Variants in SPG11 observed in about 807,000 individuals in gnomAD.
SPG11 encodes spatacsin.
A neutral mutation model predicts 274.0 loss-of-function variants in SPG11; 222 were observed. The ratio of observed to expected loss-of-function variants is 0.81; its 90% confidence interval spans 0.73 to 0.91. SPG11 has a LOEUF of 0.91. SPG11 is among the 40% of genes least tolerant of loss of function. SPG11 has a pLI of 0.00. For missense variants in SPG11, 3,114 were observed against 2,872.7 expected, an observed-to-expected ratio of 1.08 and a Z score of -1.92; for synonymous variants, 1,144 against 1,039.7, an observed-to-expected ratio of 1.10 and a Z score of -1.93.
chr15:44,570,433 AC>A, intron 34 of SPG11, 91 bp downstream of exon 34: 2 of 1,540,964 alleles, frequency 1.3e-6, no homozygotes, highest in South Asian at 2.4e-5. Flanking sequence ...AGAACCCCCT[AC>A]GACTACATCA....
At chr15:44,659,418 C>G in intron 2 of SPG11, 115 bp from the exon 3 acceptor site, 1 of 915,942 alleles carries the variant, frequency 1.1e-6, no homozygotes, top group South Asian at 1.5e-5. Flanking sequence ...TGGACTTAGT[C>G]TAACTTTACG....
chr15:44,622,233 G>A lies in SPG11; in HGVS notation c.2431C>T (p.Gln811Ter), dbSNP rs756134516. The change falls in exon 13 of 40, where the codon CAG becomes TAG. Residue 811 changes from glutamine to a stop codon, truncating the protein, a stop_gained. Transcript: ENST00000261866. LOFTEE classifies it high-confidence loss of function. The stretch of plus-strand genomic sequence containing the variant: ...TAATGAGACTACCTGGGAAATGACT[G>A]GATTTGCATATTTTCTTGGAAATGT... ...LGHFQENMQI[Q>*]SFPRYWIKEQ... 2.4e-5 allele frequency: 38 copies of A among 1,612,186 alleles called. No individual in the cohort carries two copies. Among genetic ancestry groups the A allele is most frequent in the Non-Finnish European group, 2.8e-5 (33 of 1,178,662 alleles).
intron 7 of SPG11, among the ~76,000 whole-genome samples, chr15:44,634,415 C>T (rs150520415): frequency 0.01 from 1,561 of 151,652 alleles, 33 homozygotes; most frequent in African/African-American, 0.036. Context: ...ACTGGGACTA[C>T]AGGCATGCAC....
chr15:44,662,876 A>G (rs2085157862), intron 1 of SPG11, among the ~76,000 whole-genome samples: 1 of 152,210 alleles, frequency 6.6e-6, no homozygotes, highest in Admixed American at 6.5e-5. Flanking sequence ...CAAGCACACA[A>G]TATTTGCTGA....
At chr15:44,636,217 G>A (rs928700817) in intron 7 of SPG11, among the ~76,000 whole-genome samples, 7 of 152,006 alleles carry the variant, frequency 4.6e-5, no homozygotes, top group African/African-American at 1.5e-4. Context: ...GACAAACCTA[G>A]GGTCCATGTG....
intron 7 of SPG11, among the ~76,000 whole-genome samples, chr15:44,647,130 C>T (rs2084632932): frequency 1.3e-5 from 2 of 152,142 alleles, no homozygotes; most frequent in African/African-American, 4.8e-5. Context: ...AGACATTTCT[C>T]CAAAGACGAC....
At chr15:44,601,160 C>G (rs1010923133) in intron 20 of SPG11, among the ~76,000 whole-genome samples, 3 of 150,960 alleles carry the variant, frequency 2.0e-5, no homozygotes, top group Non-Finnish European at 4.4e-5. Flanking sequence ...TTCAAAAAAA[C>G]AAAAAAAAGT....
At chr15:44,601,080 A>T (rs1482559777) in intron 20 of SPG11, among the ~76,000 whole-genome samples, 2 of 152,098 alleles carry the variant, frequency 1.3e-5, no homozygotes, top group African/African-American at 2.4e-5. Flanking sequence ...TGAACCTGGG[A>T]GGCAGAGGTT....
Position 44,657,128 on chromosome 15 carries a change from G to A in SPG11, c.836C>T (p.Ser279Phe), listed in dbSNP as rs1368296478. 1.2e-6 allele frequency: 2 copies of A among 1,614,044 alleles called. No homozygotes were observed. The highest frequency in any genetic ancestry group is 2.7e-5 in the African/African-American group (2 of 74,908). ...DVAVIVSSSN[S>F]AVALNLNLYF... ...CAAATTTAAGTTAAGAGCAACTGCG[G>A]AGTTGGAGGAGCTGACAATCACTGC... Residue 279 changes from serine (S) to phenylalanine (F), a missense_variant, in exon 4 of 40, where the codon TCC becomes TTC. Transcript: ENST00000261866.
chr15:44,618,493 G>A (rs1241664696), intron 15 of SPG11, among the ~76,000 whole-genome samples: 1 of 137,884 alleles, frequency 7.3e-6, no homozygotes, highest in Non-Finnish European at 1.6e-5. Flanking sequence ...CTCCATCCTG[G>A]GCGACAGAGT....
At position 44,649,001 on chromosome 15, in the gene SPG11, G is replaced by A. The variant is rs138430209; in HGVS notation, c.1467C>T (p.Leu489=). ...GAGTCAAACCAAACAAAATCAGAGA[G>A]AGTCCATTCTCTATAGGAAAAATAA... ...QLCFVLTENG[L]SLILFGLTQE... The change falls in exon 7 of 40, where the codon CTC becomes CTT. Residue 489 remains leucine, a synonymous_variant. Coordinates refer to ENST00000261866, the MANE Select transcript of SPG11 (RefSeq NM_025137.4). 1 of 1,612,830 alleles carries A rather than the reference G, an allele frequency of 6.2e-7. No individual in the cohort carries two copies. The highest frequency in any genetic ancestry group is 1.3e-5 in the African/African-American group (1 of 74,882).
chr15:44,657,361 T>G, intron 3 of SPG11, 65 bp from the exon 4 acceptor site: 1 of 1,482,114 alleles, frequency 6.7e-7, no homozygotes, highest in African/African-American at 1.4e-5. Context: ...AAAGCACAGG[T>G]TGGGAAAGAG....
chr15:44,654,767 C>T (rs896283702), intron 4 of SPG11, among the ~76,000 whole-genome samples: 1 of 151,686 alleles, frequency 6.6e-6, no homozygotes, highest in African/African-American at 2.4e-5. Context: ...ACCCAGGAGG[C>T]GGAGGGTGCA....
In SPG11 at chr15:44,615,391, G is replaced by T; in HGVS notation, c.3010C>A (p.Leu1004Ile). 4 of 1,613,982 alleles carry T rather than the reference G, an allele frequency of 2.5e-6. No homozygotes were observed. Among genetic ancestry groups the T allele is most frequent in the Non-Finnish European group, 3.4e-6 (4 of 1,180,004 alleles). ...TAACAGTCAAGGTAGACATAAAGAA[G>T]ATGCTGCAGACTGTGCTCCAAACAA... is the stretch of plus-strand genomic sequence containing the variant. ...LYCLEHSLQHLLYVYLDCYKL... is the reference protein window; with the variant it reads ...LYCLEHSLQHILYVYLDCYKL... Residue 1004 changes from leucine to isoleucine, a missense_variant, in exon 16 of 40, where the codon CTT becomes ATT. Transcript: ENST00000261866.
At chr15:44,592,675 C>A (rs1324124413) in intron 26 of SPG11, among the ~76,000 whole-genome samples, 1 of 151,920 alleles carries the variant, frequency 6.6e-6, no homozygotes, top group African/African-American at 2.4e-5. Flanking sequence ...AAAAAAGTAG[C>A]CAGGCATGGT....
intron 14 of SPG11, chr15:44,621,488 G>GA (rs1319345937): frequency 7.1e-6 from 3 of 423,312 alleles, no homozygotes; most frequent in African/African-American, 2.0e-5. Context: ...AAGACTATTT[G>GA]AAAAAACAGA....
At chr15:44,642,676 C>T (rs1377653397) in intron 7 of SPG11, among the ~76,000 whole-genome samples, 3 of 140,090 alleles carry the variant, frequency 2.1e-5, no homozygotes, top group African/African-American at 5.3e-5. Flanking sequence ...ACCTGGGAAA[C>T]AAAGCAAGAT....
At chr15:44,572,290 T>G (rs2082439890) in intron 33 of SPG11, among the ~76,000 whole-genome samples, 1 of 152,210 alleles carries the variant, frequency 6.6e-6, no homozygotes, top group Admixed American at 6.5e-5. Flanking sequence ...TATAATGAGT[T>G]AGACATTATG....
chr15:44,648,107 T>C (rs1284934881), intron 7 of SPG11, among the ~76,000 whole-genome samples: 1 of 152,228 alleles, frequency 6.6e-6, no homozygotes, highest in Non-Finnish European at 1.5e-5. Flanking sequence ...CAACCCAATC[T>C]GTCTCATATG....
Sources: allele counts gnomAD v4.1 joint callset (sites outside exome capture counted in the v4.1 genomes callset), GRCh38; gene constraint gnomAD v4.1.1; transcripts MANE v1.5; gene names NCBI Gene and HGNC (gene_info 2026-07-23, HGNC 2026-07-21).